Variants in MEIKIN observed in about 807,000 individuals in gnomAD.
MEIKIN encodes the protein meiotic kinetochore factor, also known as meiosis-specific kinetochore protein.
chr5:131,821,272 C>T (rs1364907397), intron 11 of MEIKIN, among the ~76,000 whole-genome samples: 1 of 152,102 alleles, frequency 6.6e-6, no homozygotes, highest in East Asian at 1.9e-4. Context: ...CATTTAGGAG[C>T]ACACTGTTTA....
At chr5:131,877,658 A>G (rs1476081645) in intron 9 of MEIKIN, among the ~76,000 whole-genome samples, 8 of 152,132 alleles carry the variant, frequency 5.3e-5, no homozygotes, top group Admixed American at 5.2e-4. Flanking sequence ...AAAACAAAAG[A>G]AAACAAAAAA....
intron 6 of MEIKIN, among the ~76,000 whole-genome samples, chr5:131,920,512 T>C (rs1055791373): frequency 6.6e-6 from 1 of 152,174 alleles, no homozygotes; most frequent in Non-Finnish European, 1.5e-5. Flanking sequence ...AAACATAATC[T>C]TTAATTGGAG....
intron 11 of MEIKIN, among the ~76,000 whole-genome samples, chr5:131,829,432 G>A (rs1173070706): frequency 2.6e-5 from 4 of 152,116 alleles, no homozygotes; most frequent in African/African-American, 9.7e-5. Context: ...ATGGTACGAG[G>A]AGATCCTAGG....
intron 4 of MEIKIN, among the ~76,000 whole-genome samples, chr5:131,938,520 A>G (rs1378561331): frequency 6.6e-6 from 1 of 152,088 alleles, no homozygotes; most frequent in Non-Finnish European, 1.5e-5. Context: ...AGACTTATGG[A>G]GTTGTGTCAC....
chr5:131,878,996 AG>A lies in MEIKIN; in HGVS notation c.755del (p.Pro252LeufsTer22), dbSNP rs1208531368. On this transcript the variant is annotated frameshift_variant, in exon 9 of 13. Coordinates refer to ENST00000442687, the MANE Select transcript of MEIKIN (RefSeq NM_001303622.2). LOFTEE classifies it high-confidence loss of function. ...LLAEKTCPST[P>X]EKTKKKKTNS... ...TACTTGCTTTTTTCTTTGTTTTTTC[AG>A]GGGTTGAAGGGCAAGTTTTCTCAGC... 3.0e-5 allele frequency: 12 copies of A among 398,328 alleles called. No homozygotes were observed. The highest frequency in any genetic ancestry group is 4.1e-5 in the African/African-American group (2 of 48,520). 24.7% of individuals were successfully genotyped at this position (398,328 alleles called of 1,614,324 possible).
chr5:131,847,758 T>C (rs1375781490), intron 11 of MEIKIN, among the ~76,000 whole-genome samples: 2 of 152,016 alleles, frequency 1.3e-5, no homozygotes, highest in Non-Finnish European at 2.9e-5. Context: ...TTTTACAGGA[T>C]AGACCAGGTA....
intron 8 of MEIKIN, among the ~76,000 whole-genome samples, chr5:131,911,178 C>T (rs1310416872): frequency 6.6e-6 from 1 of 152,092 alleles, no homozygotes; most frequent in Non-Finnish European, 1.5e-5. Flanking sequence ...CAGTTCCTAA[C>T]TTAATGTGTG....
intron 11 of MEIKIN, among the ~76,000 whole-genome samples, chr5:131,829,874 T>C (rs951204307): frequency 1.3e-4 from 20 of 152,322 alleles, no homozygotes; most frequent in African/African-American, 4.6e-4. Flanking sequence ...GGAGGAAGCA[T>C]GGCCCTGCCA....
intron 6 of MEIKIN, among the ~76,000 whole-genome samples, chr5:131,917,422 C>T (rs1024692842): frequency 2.6e-5 from 4 of 151,766 alleles, no homozygotes; most frequent in African/African-American, 9.7e-5. Context: ...AAAAATTAGC[C>T]GGCCGTGGCA....
intron 11 of MEIKIN, among the ~76,000 whole-genome samples, chr5:131,836,928 A>C (rs1749819171): frequency 6.6e-6 from 1 of 151,874 alleles, no homozygotes; most frequent in African/African-American, 2.4e-5. Flanking sequence ...TTTTGCTTTC[A>C]TTGCAATCAC....
At chr5:131,827,940 C>A (rs1395019693) in intron 11 of MEIKIN, among the ~76,000 whole-genome samples, 1 of 151,682 alleles carries the variant, frequency 6.6e-6, no homozygotes, top group Non-Finnish European at 1.5e-5. Context: ...CCCAGCTACT[C>A]AGGACGGCTG....
At chr5:131,916,146 A>G (rs1426115370) in intron 7 of MEIKIN, among the ~76,000 whole-genome samples, 1 of 152,210 alleles carries the variant, frequency 6.6e-6, no homozygotes, top group Non-Finnish European at 1.5e-5. Flanking sequence ...ATACCATTCT[A>G]TCCTCCTTAA....
At chr5:131,863,143 G>C (rs1561736317) in intron 9 of MEIKIN, among the ~76,000 whole-genome samples, 1 of 152,126 alleles carries the variant, frequency 6.6e-6, no homozygotes, top group Non-Finnish European at 1.5e-5. Flanking sequence ...ATTGTGGCCT[G>C]AGAAGATACT....
At chr5:131,901,686 C>T (rs768830707) in intron 8 of MEIKIN, among the ~76,000 whole-genome samples, 3 of 152,128 alleles carry the variant, frequency 2.0e-5, no homozygotes, top group Non-Finnish European at 4.4e-5. Flanking sequence ...GGGCCTGATA[C>T]CAGCCCCACA....
intron 8 of MEIKIN, among the ~76,000 whole-genome samples, chr5:131,880,425 G>C: frequency 7.6e-6 from 1 of 131,894 alleles, no homozygotes; most frequent in Admixed American, 8.4e-5. Flanking sequence ...TTTTTAAGTA[G>C]AGACGGGGGT....
At position 131,911,811 on chromosome 5, in the gene MEIKIN, T is replaced by A. The variant is rs1751338487; in HGVS notation, c.703+4A>T. ...ATAAAATAATTAGTTTCATTATTTGTTACCTGATTCTGAATTTGAAGCACA... is the reference window on the plus strand; with the variant it reads ...ATAAAATAATTAGTTTCATTATTTGATACCTGATTCTGAATTTGAAGCACA... On this transcript the variant is annotated splice_donor_region_variant and intron_variant, in intron 8 of 12. Transcript: ENST00000442687. The A allele has an allele frequency of 5.0e-6, 2 of 397,668 alleles. No individual in the cohort carries two copies. Among genetic ancestry groups the A allele is most frequent in the East Asian group, 7.2e-5 (2 of 27,920 alleles). The allele number at this position is 397,668 out of a possible 1,614,324, so 24.6% of individuals were successfully genotyped here.
At chr5:131,895,392 G>T (rs1459314926) in intron 8 of MEIKIN, among the ~76,000 whole-genome samples, 3 of 152,164 alleles carry the variant, frequency 2.0e-5, no homozygotes, top group Non-Finnish European at 4.4e-5. Context: ...TCAGGATGAT[G>T]CTGGCCTCAT....
intron 4 of MEIKIN, among the ~76,000 whole-genome samples, chr5:131,933,984 A>T (rs1269533316): frequency 6.6e-6 from 1 of 151,950 alleles, no homozygotes; most frequent in East Asian, 1.9e-4. Flanking sequence ...CTCACTCTAT[A>T]GCCCAGGGTG....
rs554401863 is a variant in MEIKIN, at chr5:131,819,702, T to C, written c.976-839A>G. ...GCAACCTCTGCCTCCCACGTTCAAGTGATTTTCATACCTCAGACTCTCAAG... is the reference window on the plus strand; with the variant it reads ...GCAACCTCTGCCTCCCACGTTCAAGCGATTTTCATACCTCAGACTCTCAAG... On this transcript the variant is annotated intron_variant, in intron 11 of 12. Coordinates refer to ENST00000442687, the MANE Select transcript of MEIKIN (RefSeq NM_001303622.2). Among the ~76,000 whole-genome samples, 7 of 147,328 alleles carry C rather than the reference T, an allele frequency of 4.8e-5. No homozygotes were observed. In the South Asian group the frequency reaches 1.5e-3, roughly 32 times the overall value.
Sources: gnomAD v4.1 joint callset for allele counts (sites outside exome capture counted in the v4.1 genomes callset) on GRCh38, gnomAD v4.1.1 for gene constraint, MANE v1.5 for transcripts, NCBI Gene and HGNC (gene_info 2026-07-23, HGNC 2026-07-21) for gene names.